Variants in HCN1 observed in about 807,000 individuals in gnomAD.
The protein encoded by HCN1 is hyperpolarization activated cyclic nucleotide gated potassium channel 1.
A neutral mutation model predicts 78.9 loss-of-function variants in HCN1; 13 were observed. The observed-to-expected ratio is 0.16, with a 90% confidence interval of 0.11 to 0.26. The LOEUF (loss-of-function observed/expected upper bound fraction) is 0.26, where lower values mean the gene tolerates loss of function less well. Among genes scored for constraint, HCN1 ranks in the 10% least tolerant of loss-of-function variants. The pLI is 1.00. For synonymous variants in HCN1, 552 were observed against 455.5 expected (o/e 1.21, Z -2.70); for missense variants, 810 against 1,154.3 (o/e 0.70, Z 4.32).
In HCN1 at chr5:45,342,386, C is replaced by T. The variant is rs1252917070; in HGVS notation, c.1377+10714G>A. On this transcript the variant is annotated intron_variant, in intron 5 of 7. Transcript: ENST00000303230. ...CTGGGATTACAGGTGCATGCCACTA[C>T]ACCTGGCTATTTTTTTTTTTTTTGT... Among the ~76,000 whole-genome samples the T allele has an allele frequency of 3.4e-5, 5 of 149,046 alleles. 1 individual carries two copies. The South Asian group carries it at 1.1e-3, about 32-fold the overall frequency.
rs796452844 is a variant in HCN1 at position 45,568,597 on chromosome 5, CTG to C, written c.849+76586_849+76587del. ...GTAGAATTTCATTAAATGTTAATGA[CTG>C]TTATTATTATTAGTTTTAAAAATCA... On this transcript the variant is annotated intron_variant, in intron 2 of 7. Transcript: ENST00000303230. Among the ~76,000 whole-genome samples, 268 of 151,880 alleles carry C rather than the reference CTG, an allele frequency of 1.8e-3. 1 individual carries two copies. Among genetic ancestry groups the C allele is most frequent in the African/African-American group, 6.2e-3 (257 of 41,452 alleles).
chr5:45,382,673 T>G (rs1296374190), intron 4 of HCN1, among the ~76,000 whole-genome samples: 1 of 152,172 alleles, frequency 6.6e-6, no homozygotes, highest in African/African-American at 2.4e-5. Flanking sequence ...GTCTGAAATA[T>G]TATTAGCACT....
intron 3 of HCN1, among the ~76,000 whole-genome samples, chr5:45,452,957 G>A (rs944581643): frequency 6.6e-6 from 1 of 151,990 alleles, no homozygotes; most frequent in African/African-American, 2.4e-5. Flanking sequence ...CTTTCTTCAT[G>A]TCACTTCTGA....
chr5:45,525,754 A>G (rs1247013634), intron 2 of HCN1, among the ~76,000 whole-genome samples: 4 of 152,008 alleles, frequency 2.6e-5, no homozygotes, highest in Non-Finnish European at 5.9e-5. Context: ...GTCCACTGCT[A>G]CACTGCTCTG....
At chr5:45,630,055 C>G (rs1325635830) in intron 2 of HCN1, among the ~76,000 whole-genome samples, 1 of 152,072 alleles carries the variant, frequency 6.6e-6, no homozygotes, top group Non-Finnish European at 1.5e-5. Context: ...CTGCTAATAC[C>G]TAAAAGAGTG....
intron 2 of HCN1, among the ~76,000 whole-genome samples, chr5:45,502,191 G>A (rs1156262390): frequency 6.6e-6 from 1 of 151,888 alleles, no homozygotes; most frequent in Non-Finnish European, 1.5e-5. Flanking sequence ...AATGAAGCCG[G>A]GTGTCGTGGC....
At chr5:45,399,200 T>A (rs1029554321) in intron 3 of HCN1, among the ~76,000 whole-genome samples, 1 of 152,162 alleles carries the variant, frequency 6.6e-6, no homozygotes, top group Non-Finnish European at 1.5e-5. Context: ...TCACTCCTAA[T>A]CTGGGACCAG....
At chr5:45,354,514 C>T (rs1324067865) in intron 4 of HCN1, among the ~76,000 whole-genome samples, 1 of 151,986 alleles carries the variant, frequency 6.6e-6, no homozygotes, top group Non-Finnish European at 1.5e-5. Context: ...TCTCCTGACT[C>T]TTTGCCCATA....
At chr5:45,589,452 A>T (rs1744309854) in intron 2 of HCN1, among the ~76,000 whole-genome samples, 1 of 152,172 alleles carries the variant, frequency 6.6e-6, no homozygotes. Context: ...AGCTTTTGGG[A>T]TGACAAGTAA....
rs557530446 is a variant in HCN1 at position 45,498,415 on chromosome 5, G to A, written c.850-36408C>T. On this transcript the variant is annotated intron_variant, in intron 2 of 7. Transcript: ENST00000303230. ...CTTCTGCATTCTTCATGTAGTTCTC[G>A]AGCCTTGGTTTTCAGCTCCATCAGC... 7.9e-5 allele frequency among the ~76,000 whole-genome samples: 12 copies of A among 152,052 alleles called. No homozygotes were observed. In the South Asian group the frequency reaches 1.5e-3, roughly 18 times the overall value.
intron 2 of HCN1, chr5:45,644,890 G>A (rs1411287317): frequency 7.1e-6 from 3 of 425,494 alleles, no homozygotes; most frequent in African/African-American, 2.1e-5. Flanking sequence ...AAACCAAGGT[G>A]GGAAAGGGGT....
intron 3 of HCN1, among the ~76,000 whole-genome samples, chr5:45,412,767 G>T (rs953182942): frequency 1.3e-5 from 2 of 151,804 alleles, no homozygotes; most frequent in Non-Finnish European, 2.9e-5. Context: ...GCTGGAACTG[G>T]GTGAGCACGG....
chr5:45,503,864 C>T (rs978287017), intron 2 of HCN1, among the ~76,000 whole-genome samples: 1 of 151,630 alleles, frequency 6.6e-6, no homozygotes, highest in Admixed American at 6.6e-5. Context: ...CGGCTCACTG[C>T]AACCTCCACC....
Position 45,583,257 on chromosome 5 carries a change from G to A in HCN1, c.849+61928C>T, listed in dbSNP as rs552840955. 7.2e-3 allele frequency among the ~76,000 whole-genome samples: 1,097 copies of A among 152,164 alleles called. 10 individuals carry two copies. Among genetic ancestry groups the A allele is most frequent in the African/African-American group, 0.025 (1,050 of 41,524 alleles). On this transcript the variant is annotated intron_variant, in intron 2 of 7. Coordinates refer to ENST00000303230, the MANE Select transcript of HCN1 (RefSeq NM_021072.4). ...CTTCTTACTGGTTTAGTCTTGGGAG[G>A]GTGTACGTGTCGAGGAATTTATCCA... is the stretch of plus-strand genomic sequence containing the variant.
intron 3 of HCN1, among the ~76,000 whole-genome samples, chr5:45,432,644 T>G (rs1305753034): frequency 6.6e-6 from 1 of 152,174 alleles, no homozygotes; most frequent in Non-Finnish European, 1.5e-5. Flanking sequence ...CTCCTACTAT[T>G]TTGAAGTATT....
At chr5:45,498,232 G>A (rs1742093366) in intron 2 of HCN1, among the ~76,000 whole-genome samples, 1 of 152,178 alleles carries the variant, frequency 6.6e-6, no homozygotes, top group Non-Finnish European at 1.5e-5. Context: ...CCAATCAGAT[G>A]TAGATTTGGT....
intron 2 of HCN1, chr5:45,641,994 T>C (rs543340099): frequency 6.6e-6 from 1 of 152,292 alleles, no homozygotes; most frequent in East Asian, 1.9e-4. Context: ...TGGATCACTG[T>C]CTTTAAACAC....
intron 2 of HCN1, chr5:45,574,871 C>A (rs1743907198): frequency 6.6e-6 from 1 of 152,202 alleles, no homozygotes; most frequent in Non-Finnish European, 1.5e-5. Flanking sequence ...AAGCCAAGTC[C>A]TAATCCAGAC....
intron 2 of HCN1, among the ~76,000 whole-genome samples, chr5:45,593,648 A>ATTATTATTC (rs1744431939): frequency 6.7e-6 from 1 of 148,812 alleles, no homozygotes; most frequent in Admixed American, 6.8e-5. Context: ...TATTTTCATT[A>ATTATTATTC]TTATTATTAT....
Sources: gnomAD v4.1 joint callset for allele counts (sites outside exome capture counted in the v4.1 genomes callset) on GRCh38, gnomAD v4.1.1 for gene constraint, MANE v1.5 for transcripts, NCBI Gene and HGNC (gene_info 2026-07-23, HGNC 2026-07-21) for gene names.